The following ANKRD9 variants were observed in gnomAD, a reference collection of about 807,000 sequenced individuals.
ANKRD9 encodes the protein ankyrin repeat domain-containing protein 9.
In ANKRD9, 13 loss-of-function variants were observed where a neutral mutation model predicts 19.2. That is an observed-to-expected ratio of 0.68 (90% CI 0.44 to 1.08). The LOEUF (loss-of-function observed/expected upper bound fraction) is 1.08, where lower values mean the gene tolerates loss of function less well. Among genes scored for constraint, ANKRD9 ranks in the 50% least tolerant of loss-of-function variants. The pLI is 0.00. For missense variants in ANKRD9, 518 were observed against 499.9 expected (o/e 1.04, Z -0.34); for synonymous variants, 278 against 256.8 (o/e 1.08, Z -0.79).
In ANKRD9 at chr14:102,506,839, A is replaced by C. The variant is rs1351006188; in HGVS notation, c.*97T>G. 1 of 1,280,060 alleles carries C rather than the reference A, an allele frequency of 7.8e-7. No individual in the cohort carries two copies. Among genetic ancestry groups the C allele is most frequent in the Non-Finnish European group, 9.9e-7 (1 of 1,010,644 alleles). 79.3% of individuals were successfully genotyped at this position (1,280,060 alleles called of 1,614,324 possible). ...CCAGTGCATGCGACAGATGAGGCAGAGATTGTGCCGTACAGAGATCAATAT... is the reference window on the plus strand; with the variant it reads ...CCAGTGCATGCGACAGATGAGGCAGCGATTGTGCCGTACAGAGATCAATAT... On this transcript the variant is annotated 3_prime_UTR_variant, in exon 4 of 4. Transcript: ENST00000286918.
In ANKRD9 at chr14:102,501,975, T is replaced by C. The variant is rs540770784; in HGVS notation, c.*4961A>G. On this transcript the variant is annotated 3_prime_UTR_variant, in exon 4 of 4. Transcript: ENST00000286918. ...AGGCCTTGCATCTCGCCACCTCCAC[T>C]TCTGTCCTCAAGAACAAGTCCTAGG... The C allele has an allele frequency of 3.9e-5, 6 of 152,342 alleles. No homozygotes were observed. The highest frequency in any genetic ancestry group is 1.4e-4 in the African/African-American group (6 of 41,574). 9.4% of individuals were successfully genotyped at this position (152,342 alleles called of 1,614,324 possible). A position where few individuals can be genotyped will look rare whatever the true frequency, so the allele number is the denominator to read the frequency against.
rs1018996891 is a variant in ANKRD9 at position 102,509,719 on chromosome 14, CGGCGGCGGGCGGCGGGCGGCG to C, written c.-546_-526del. On this transcript the variant is annotated 5_prime_UTR_variant, in exon 1 of 4. Coordinates refer to ENST00000286918, the MANE Select transcript of ANKRD9 (RefSeq NM_152326.4). Reference sequence around the variant, plus strand: ...GATCGCAGGGCGGCGGTGCCGTCGCCGGCGGCGGGCGGCGGGCGGCGGGCGGCGGGCGGCGCAGTGCGGCCC... The same window carrying C: ...GATCGCAGGGCGGCGGTGCCGTCGCCGGCGGCGGGCGGCGCAGTGCGGCCC... 9.0e-5 allele frequency: 13 copies of C among 143,850 alleles called. No individual in the cohort carries two copies. The highest frequency in any genetic ancestry group is 4.4e-4 in the South Asian group (2 of 4,594). 8.9% of individuals were successfully genotyped at this position (143,850 alleles called of 1,614,324 possible).
rs1390077680 is a variant in ANKRD9 at position 102,505,147 on chromosome 14, CCA to C, written c.*1787_*1788del. 3 of 152,528 alleles carry C rather than the reference CCA, an allele frequency of 2.0e-5. No individual in the cohort carries two copies. The East Asian group carries it at 5.8e-4, about 29-fold the overall frequency. The allele number at this position is 152,528 out of a possible 1,614,324, so 9.4% of individuals were successfully genotyped here. A position where few individuals can be genotyped will look rare whatever the true frequency, so the allele number is the denominator to read the frequency against. On this transcript the variant is annotated 3_prime_UTR_variant, in exon 4 of 4. Coordinates refer to ENST00000286918, the MANE Select transcript of ANKRD9 (RefSeq NM_152326.4). ...GACATGAAGTCTGCACATCTAGACC[CCA>C]GTGAGGAGCCCAGGCTTTCTAGGCA...
Position 102,503,370 on chromosome 14 carries a change from G to C in ANKRD9, c.*3566C>G, listed in dbSNP as rs1185162706. On this transcript the variant is annotated 3_prime_UTR_variant, in exon 4 of 4. Coordinates refer to ENST00000286918, the MANE Select transcript of ANKRD9 (RefSeq NM_152326.4). ...GCAATCTTGGCTCACTGCAACCTCC[G>C]CCTCCTGGGTTCAAGCAATTCTCCT... 7.7e-6 allele frequency: 1 copy of C among 130,474 alleles called. No homozygotes were observed. The highest frequency in any genetic ancestry group is 9.1e-5 in the Admixed American group (1 of 10,962). The allele number at this position is 130,474 out of a possible 1,614,324, so 8.1% of individuals were successfully genotyped here.
In ANKRD9 at chr14:102,508,981, G is replaced by C. The variant is rs890473684; in HGVS notation, c.-334-135C>G. ...AGCCCCGACCTGAGCCTAGGCGTCT[G>C]ACCTCTGGCTCCGTCCCAACCTCCC... On this transcript the variant is annotated intron_variant, in intron 1 of 3. Coordinates refer to ENST00000286918, the MANE Select transcript of ANKRD9 (RefSeq NM_152326.4). The surrounding 1 kb of genome is among the most constrained non-coding windows in gnomAD (Gnocchi z 6.2). 2.0e-5 allele frequency: 3 copies of C among 152,410 alleles called. No homozygotes were observed. Among genetic ancestry groups the C allele is most frequent in the Non-Finnish European group, 4.4e-5 (3 of 68,170 alleles). The allele number at this position is 152,410 out of a possible 1,614,324, so 9.4% of individuals were successfully genotyped here.
At position 102,503,679 on chromosome 14, in the gene ANKRD9, T is replaced by G. The variant is rs1891507037; in HGVS notation, c.*3257A>C. On this transcript the variant is annotated 3_prime_UTR_variant, in exon 4 of 4. Coordinates refer to ENST00000286918, the MANE Select transcript of ANKRD9 (RefSeq NM_152326.4). ...TTAAGTCTGTGCATTTTATTACATG[T>G]AAGTAACACCTCAATCTGAAAAGTA... 6.6e-6 allele frequency: 1 copy of G among 152,146 alleles called. No individual in the cohort carries two copies. The highest frequency in any genetic ancestry group is 2.1e-4 in the South Asian group (1 of 4,832). 9.4% of individuals were successfully genotyped at this position (152,146 alleles called of 1,614,324 possible).
In ANKRD9 at chr14:102,507,819, G is replaced by C. The variant is rs1399610212; in HGVS notation, c.71C>G (p.Ser24Trp). 1 of 1,410,330 alleles carries C rather than the reference G, an allele frequency of 7.1e-7. No homozygotes were observed. Among genetic ancestry groups the C allele is most frequent in the Non-Finnish European group, 9.3e-7 (1 of 1,070,144 alleles). The allele number at this position is 1,410,330 out of a possible 1,614,324, so 87.4% of individuals were successfully genotyped here. A position where few individuals can be genotyped will look rare whatever the true frequency, so the allele number is the denominator to read the frequency against. The change falls in exon 4 of 4, where the codon TCG becomes TGG. Residue 24 changes from serine (S) to tryptophan (W), a missense_variant. By Grantham distance (177) the Ser-to-Trp change is radical (BLOSUM62 -3). Coordinates refer to ENST00000286918, the MANE Select transcript of ANKRD9 (RefSeq NM_152326.4). The surrounding 1 kb of genome is among the most constrained non-coding windows in gnomAD (Gnocchi z 9.2). ...GGPEASGAAR[S>W]RAQKQCRKSS... is the part of the protein sequence containing the mutation. ...CTTGCGGCACTGCTTCTGCGCTCGC[G>C]AGCGCGCCGCGCCCGAGGCCTCGGG...
chr14:102,506,547 G>A lies in ANKRD9; in HGVS notation c.*389C>T, dbSNP rs1891594099. ...ACAGGACCTCCCGTGAGAACCCTAC[G>A]CTGCAGAGCTCGTTCTCTTGGCTTC... On this transcript the variant is annotated 3_prime_UTR_variant, in exon 4 of 4. Coordinates refer to ENST00000286918, the MANE Select transcript of ANKRD9 (RefSeq NM_152326.4). 1 of 179,304 alleles carries A rather than the reference G, an allele frequency of 5.6e-6. No homozygotes were observed. Among genetic ancestry groups the A allele is most frequent in the Admixed American group, 6.2e-5 (1 of 16,046 alleles). 11.1% of individuals were successfully genotyped at this position (179,304 alleles called of 1,614,324 possible).
rs1231140547 is a variant in ANKRD9 at position 102,507,842 on chromosome 14, G to C, written c.48C>G (p.Pro16=). ...RRPGGGADGG[P]EASGAARSRA... ...GCGAGCGCGCCGCGCCCGAGGCCTCGGGCCCGCCGTCCGCGCCACCCCCAG... is the reference window on the plus strand; with the variant it reads ...GCGAGCGCGCCGCGCCCGAGGCCTCCGGCCCGCCGTCCGCGCCACCCCCAG... The change falls in exon 4 of 4, where the codon CCC becomes CCG. Residue 16 remains proline (P), a synonymous_variant. Coordinates refer to ENST00000286918, the MANE Select transcript of ANKRD9 (RefSeq NM_152326.4). The surrounding 1 kb of genome is among the most constrained non-coding windows in gnomAD (Gnocchi z 9.2). 7.8e-7 allele frequency: 1 copy of C among 1,282,188 alleles called. No homozygotes were observed. The highest frequency in any genetic ancestry group is 1.0e-6 in the Non-Finnish European group (1 of 999,172). 79.4% of individuals were successfully genotyped at this position (1,282,188 alleles called of 1,614,324 possible).
At chr14:102,509,483 G>GGAGGGGGCGGCGGCC (rs1891724291) in intron 1 of ANKRD9, 46 bp downstream of exon 1, 1 of 148,114 alleles carries the variant, frequency 6.8e-6, no homozygotes, top group Admixed American at 6.7e-5. Context: ...TGCCGGAGGA[G>GGAGGGGGCGGCGGCC]GAGGGGGCGG....
rs1256832000 is a variant in ANKRD9 at position 102,503,227 on chromosome 14, A to G, written c.*3709T>C. 2 of 151,742 alleles carry G rather than the reference A, an allele frequency of 1.3e-5. No individual in the cohort carries two copies. The highest frequency in any genetic ancestry group is 2.9e-5 in the Non-Finnish European group (2 of 67,970). The allele number at this position is 151,742 out of a possible 1,614,324, so 9.4% of individuals were successfully genotyped here. A position where few individuals can be genotyped will look rare whatever the true frequency, so the allele number is the denominator to read the frequency against. ...GACTACATCTCAAATAAATAAATAA[A>G]TACATAAATAAATAAATTACTTTTA... On this transcript the variant is annotated 3_prime_UTR_variant, in exon 4 of 4. Coordinates refer to ENST00000286918, the MANE Select transcript of ANKRD9 (RefSeq NM_152326.4).
rs2139813344 is a variant in ANKRD9, at chr14:102,506,748, G to T, written c.*188C>A. ...TCAGGGGCTGGACAGCGAGCTGAAG[G>T]CCCGAGCCCAGCTGCACCCAGAAAA... On this transcript the variant is annotated 3_prime_UTR_variant, in exon 4 of 4. Transcript: ENST00000286918. 2.6e-6 allele frequency: 2 copies of T among 768,272 alleles called. No homozygotes were observed. The highest frequency in any genetic ancestry group is 3.6e-6 in the Non-Finnish European group (2 of 558,556). The allele number at this position is 768,272 out of a possible 1,614,324, so 47.6% of individuals were successfully genotyped here. A position where few individuals can be genotyped will look rare whatever the true frequency, so the allele number is the denominator to read the frequency against.
rs1321385502 is a variant in ANKRD9, at chr14:102,506,725, AG to A, written c.*210del. ...TGGGAGGTTAGTCCTCACTCCCTTCAGGGGCTGGACAGCGAGCTGAAGGCCC... is the reference window on the plus strand; with the variant it reads ...TGGGAGGTTAGTCCTCACTCCCTTCAGGGCTGGACAGCGAGCTGAAGGCCC... On this transcript the variant is annotated 3_prime_UTR_variant, in exon 4 of 4. Transcript: ENST00000286918. 2 of 581,568 alleles carry A rather than the reference AG, an allele frequency of 3.4e-6. No homozygotes were observed. Among genetic ancestry groups the A allele is most frequent in the African/African-American group, 1.9e-5 (1 of 51,590 alleles). The allele number at this position is 581,568 out of a possible 1,614,324, so 36.0% of individuals were successfully genotyped here. A position where few individuals can be genotyped will look rare whatever the true frequency, so the allele number is the denominator to read the frequency against.
rs997090147 is a variant in ANKRD9 at position 102,504,317 on chromosome 14, A to AC, written c.*2618dup. 2.6e-5 allele frequency: 4 copies of AC among 152,790 alleles called. No individual in the cohort carries two copies. Among genetic ancestry groups the AC allele is most frequent in the African/African-American group, 7.3e-5 (3 of 41,368 alleles). The allele number at this position is 152,790 out of a possible 1,614,324, so 9.5% of individuals were successfully genotyped here. ...CTAAACAAATGAACCAAGGTGCTTCACCCCCCAAAAAAGTGAGTTTTGTTC... is the reference window on the plus strand; with the variant it reads ...CTAAACAAATGAACCAAGGTGCTTCACCCCCCCAAAAAAGTGAGTTTTGTTC... On this transcript the variant is annotated 3_prime_UTR_variant, in exon 4 of 4. Coordinates refer to ENST00000286918, the MANE Select transcript of ANKRD9 (RefSeq NM_152326.4).
rs770129088 is a variant in ANKRD9, at chr14:102,505,952, T to C, written c.*984A>G. 8 of 152,180 alleles carry C rather than the reference T, an allele frequency of 5.3e-5. No homozygotes were observed. The highest frequency in any genetic ancestry group is 1.2e-4 in the Non-Finnish European group (8 of 68,028). The allele number at this position is 152,180 out of a possible 1,614,324, so 9.4% of individuals were successfully genotyped here. On this transcript the variant is annotated 3_prime_UTR_variant, in exon 4 of 4. Coordinates refer to ENST00000286918, the MANE Select transcript of ANKRD9 (RefSeq NM_152326.4). ...GAATTCCCAGGCAGGGCAGCCTGGCTATCCTCCCTGGTGTCTCGGCTCTGA... is the reference window on the plus strand; with the variant it reads ...GAATTCCCAGGCAGGGCAGCCTGGCCATCCTCCCTGGTGTCTCGGCTCTGA...
Position 102,507,578 on chromosome 14 carries a change from A to T in ANKRD9, c.312T>A (p.Ser104Arg). The change falls in exon 4 of 4, where the codon AGT (serine) becomes AGA (arginine). Residue 104 changes from serine to arginine, a missense_variant. By Grantham distance (110) the Ser-to-Arg change is moderately radical (BLOSUM62 -1). Transcript: ENST00000286918. This position sits in a 1 kb window ranked among gnomAD's most constrained non-coding sequence, Gnocchi z 9.2. ...TFPRRALAPP[S>R]AGFRCCAAPG... ...GAGCCGCGCAGCAGCGGAAGCCGGC[A>T]CTGGGCGGTGCGAGCGCGCGCCGCG... 7.2e-7 allele frequency: 1 copy of T among 1,397,960 alleles called. No individual in the cohort carries two copies. The highest frequency in any genetic ancestry group is 9.3e-7 in the Non-Finnish European group (1 of 1,075,618). The allele number at this position is 1,397,960 out of a possible 1,614,324, so 86.6% of individuals were successfully genotyped here. A position where few individuals can be genotyped will look rare whatever the true frequency, so the allele number is the denominator to read the frequency against.
Position 102,507,301 on chromosome 14 carries a change from C to G in ANKRD9, c.589G>C (p.Glu197Gln), listed in dbSNP as rs1891631762. Residue 197 changes from glutamate to glutamine, a missense_variant, in exon 4 of 4, where the codon GAG becomes CAG. Transcript: ENST00000286918. This position sits in a 1 kb window ranked among gnomAD's most constrained non-coding sequence, Gnocchi z 9.2. ...LRDGGGLTPL[E>Q]LLLRQLGRDA... is the part of the protein sequence containing the mutation. ...CGGCCCAGCTGGCGCAGCAGCAGCTCGAGAGGCGTGAGGCCGCCGCCGTCC... is the reference window on the plus strand; with the variant it reads ...CGGCCCAGCTGGCGCAGCAGCAGCTGGAGAGGCGTGAGGCCGCCGCCGTCC... 8.0e-7 allele frequency: 1 copy of G among 1,248,490 alleles called. No homozygotes were observed. The highest frequency in any genetic ancestry group is 4.3e-5 in the East Asian group (1 of 23,436). 77.3% of individuals were successfully genotyped at this position (1,248,490 alleles called of 1,614,324 possible).
In ANKRD9 at chr14:102,506,918, G is replaced by A. The variant is rs1287689160; in HGVS notation, c.*18C>T. ...AAATAGTTTTGTCCCAAAATCCAGC[G>A]CCTAGGGTGCTCCGGGCCTAGCCTT... On this transcript the variant is annotated 3_prime_UTR_variant, in exon 4 of 4. Coordinates refer to ENST00000286918, the MANE Select transcript of ANKRD9 (RefSeq NM_152326.4). 2.4e-5 allele frequency: 36 copies of A among 1,474,882 alleles called. No individual in the cohort carries two copies. Among genetic ancestry groups the A allele is most frequent in the Middle Eastern group, 3.6e-4 (2 of 5,560 alleles). The allele number at this position is 1,474,882 out of a possible 1,614,324, so 91.4% of individuals were successfully genotyped here. A position where few individuals can be genotyped will look rare whatever the true frequency, so the allele number is the denominator to read the frequency against.
At position 102,507,245 on chromosome 14, in the gene ANKRD9, T is replaced by G; in HGVS notation, c.645A>C (p.Gly215=). The part of the protein sequence containing the change: ...RDAGATPSAA[G]APASAPGEPR... ...GCTCCCCGGGAGCTGAGGCGGGGGC[T>G]CCGGCGGCGGAGGGAGTGGCCCCGG... The change falls in exon 4 of 4, where the codon GGA becomes GGC. Residue 215 remains glycine (G), a synonymous_variant. Transcript: ENST00000286918. This position sits in a 1 kb window ranked among gnomAD's most constrained non-coding sequence, Gnocchi z 9.2. The G allele has an allele frequency of 8.1e-7, 1 of 1,235,290 alleles. No individual in the cohort carries two copies. The highest frequency in any genetic ancestry group is 1.0e-6 in the Non-Finnish European group (1 of 988,794). 76.5% of individuals were successfully genotyped at this position (1,235,290 alleles called of 1,614,324 possible).
Sources: allele counts gnomAD v4.1 joint callset, GRCh38; gene constraint gnomAD v4.1.1; non-coding constraint Gnocchi (gnomAD v3.1); transcripts MANE v1.5; gene names NCBI Gene and HGNC (gene_info 2026-07-23, HGNC 2026-07-21).